The following SFXN5 variants were observed in gnomAD, a reference collection of about 807,000 sequenced individuals.
SFXN5 encodes sideroflexin-5.
In SFXN5, 43 loss-of-function variants were observed where a neutral mutation model predicts 50.2. The observed-to-expected ratio is 0.86, with a 90% CI of 0.67 to 1.11. SFXN5 has a LOEUF of 1.11. Ranked by LOEUF, SFXN5 falls within the 50% of genes least tolerant of loss-of-function variation. The probability of loss-of-function intolerance (pLI) is 0.00; values close to 1 mark genes in which losing one functional copy is unlikely to be tolerated. For missense variants in SFXN5, 463 were observed against 454.1 expected (o/e 1.02, Z -0.18); for synonymous variants, 203 against 185.8 (o/e 1.09, Z -0.75).
chr2:73,007,191 A>T (rs1216374824), intron 6 of SFXN5, among the ~76,000 whole-genome samples: 1 of 152,158 alleles, frequency 6.6e-6, no homozygotes, highest in East Asian at 1.9e-4. Flanking sequence ...GAACTGAGCA[A>T]GCCCCCACCC....
chr2:73,037,431 T>C (rs1679127769), intron 3 of SFXN5, among the ~76,000 whole-genome samples: 1 of 152,184 alleles, frequency 6.6e-6, no homozygotes, highest in South Asian at 2.1e-4. Flanking sequence ...TGTCAGCCTA[T>C]GATGGCTAAT....
At position 72,986,248 on chromosome 2, in the gene SFXN5, G is replaced by T. The variant is rs539483931; in HGVS notation, c.625+2010C>A. Among the ~76,000 whole-genome samples, 14 of 152,298 alleles carry T rather than the reference G, an allele frequency of 9.2e-5. No individual in the cohort carries two copies. The East Asian group carries it at 2.5e-3, about 27-fold the overall frequency. On this transcript the variant is annotated intron_variant, in intron 10 of 13. Coordinates refer to ENST00000272433, the MANE Select transcript of SFXN5 (RefSeq NM_144579.3). ...AGGCTGAGCCAGGTGGCTGGTTCTC[G>T]GAATTCATTAGTCTCTGGGTCATCC...
intron 6 of SFXN5, among the ~76,000 whole-genome samples, chr2:73,012,221 T>G (rs1675592723): frequency 6.6e-6 from 1 of 152,216 alleles, no homozygotes; most frequent in Non-Finnish European, 1.5e-5. Flanking sequence ...GGGGTTACTC[T>G]GGGCAGAGAT....
chr2:72,991,196 C>T (rs1187449527), intron 9 of SFXN5, among the ~76,000 whole-genome samples: 3 of 152,232 alleles, frequency 2.0e-5, no homozygotes, highest in Non-Finnish European at 4.4e-5. Context: ...CCCTGGTCGG[C>T]CATTCTTCCC....
At chr2:73,013,667 T>G (rs1675816091) in intron 6 of SFXN5, among the ~76,000 whole-genome samples, 1 of 150,866 alleles carries the variant, frequency 6.6e-6, no homozygotes, top group Non-Finnish European at 1.5e-5. Flanking sequence ...GAATAATACC[T>G]CTCTCGATAT....
At chr2:72,985,272 G>T (rs1282944150) in intron 10 of SFXN5, among the ~76,000 whole-genome samples, 1 of 152,028 alleles carries the variant, frequency 6.6e-6, no homozygotes, top group Admixed American at 6.6e-5. Flanking sequence ...GCCAGGTCTG[G>T]CCTAGCCTAC....
At chr2:73,016,847 A>T (rs571197254) in intron 6 of SFXN5, among the ~76,000 whole-genome samples, 1 of 152,342 alleles carries the variant, frequency 6.6e-6, no homozygotes, top group Admixed American at 6.5e-5. Flanking sequence ...ACATATCGTA[A>T]GTTGAAAATG....
At chr2:73,029,493 AATGCCTGGGAGGTAGACAG>A (rs1559175330) in intron 3 of SFXN5, among the ~76,000 whole-genome samples, 1 of 152,110 alleles carries the variant, frequency 6.6e-6, no homozygotes, top group Non-Finnish European at 1.5e-5. Context: ...TTATCCCCCA[AATGCCTGGGAGGTAGACAG>A]ATGCTCTTTA....
At chr2:73,061,134 G>A (rs571525148) in intron 1 of SFXN5, among the ~76,000 whole-genome samples, 10 of 152,010 alleles carry the variant, frequency 6.6e-5, no homozygotes, top group African/African-American at 2.4e-4. Context: ...TGGCCAACAT[G>A]GTGAAACCCC....
At chr2:73,005,873 C>G (rs1674564044) in intron 6 of SFXN5, among the ~76,000 whole-genome samples, 1 of 151,040 alleles carries the variant, frequency 6.6e-6, no homozygotes, top group Non-Finnish European at 1.5e-5. Flanking sequence ...CTCTGCTGGA[C>G]TGGGACAATG....
chr2:73,019,139 G>A (rs557376340), intron 6 of SFXN5, among the ~76,000 whole-genome samples: 2 of 152,304 alleles, frequency 1.3e-5, no homozygotes, highest in South Asian at 4.1e-4. Context: ...ATAACAATAT[G>A]AACAAATCTC....
Position 73,022,547 on chromosome 2 carries a change from C to A in SFXN5, c.306G>T (p.Lys102Asn). The change falls in exon 5 of 14, where the codon AAG becomes AAT. Residue 102 changes from lysine to asparagine, a missense_variant. Transcript: ENST00000272433. The stretch of plus-strand genomic sequence containing the variant: ...CTGACATTCTAAATGGCATGAAGAT[C>A]TTCTCATTGGTGTCCGGATGTAGAA... ...QAILHPDTNE[K>N]IFMPFRMSGY... The A allele has an allele frequency of 2.0e-6, 3 of 1,511,836 alleles. No homozygotes were observed. The highest frequency in any genetic ancestry group is 2.7e-6 in the Non-Finnish European group (3 of 1,118,352). 93.7% of individuals were successfully genotyped at this position (1,511,836 alleles called of 1,614,324 possible). A position where few individuals can be genotyped will look rare whatever the true frequency, so the allele number is the denominator to read the frequency against.
intron 2 of SFXN5, among the ~76,000 whole-genome samples, chr2:73,047,317 ATGTATATATATG>A (rs1316004041): frequency 5.0e-5 from 4 of 80,036 alleles, no homozygotes; most frequent in Non-Finnish European, 9.2e-5. Context: ...ATGTGTGTGT[ATGTATATATATG>A]TGTATATATA....
At chr2:73,021,329 C>T (rs1279529987) in intron 5 of SFXN5, among the ~76,000 whole-genome samples, 2 of 152,048 alleles carry the variant, frequency 1.3e-5, no homozygotes, top group Non-Finnish European at 1.5e-5. Flanking sequence ...CTAAAAAATA[C>T]AAAAATTAGC....
chr2:72,976,439 AT>A (rs367963789), intron 10 of SFXN5, among the ~76,000 whole-genome samples: 4 of 152,102 alleles, frequency 2.6e-5, no homozygotes, highest in African/African-American at 7.2e-5. Flanking sequence ...TTTCAGGAAT[AT>A]TTTTTTTCTT....
chr2:73,024,646 C>G (rs566147414), intron 3 of SFXN5, among the ~76,000 whole-genome samples: 1 of 152,004 alleles, frequency 6.6e-6, no homozygotes, highest in Non-Finnish European at 1.5e-5. Context: ...AGCGTGAGAA[C>G]CTGTCTCCAA....
chr2:72,997,278 G>C (rs1430246114), intron 9 of SFXN5: 2 of 152,212 alleles, frequency 1.3e-5, no homozygotes, highest in Non-Finnish European at 2.9e-5. Flanking sequence ...TAGAAGAATG[G>C]TGAATTAAAT....
At chr2:73,019,177 C>T (rs1038825514) in intron 6 of SFXN5, among the ~76,000 whole-genome samples, 4 of 152,208 alleles carry the variant, frequency 2.6e-5, no homozygotes, top group African/African-American at 9.6e-5. Flanking sequence ...AAGCCAGACA[C>T]AAAAGAGCAC....
intron 10 of SFXN5, 80 bp downstream of exon 10, chr2:72,988,178 A>G (rs1369978887): frequency 4.6e-6 from 6 of 1,316,484 alleles, no homozygotes; most frequent in Non-Finnish European, 6.4e-6. Context: ...GAGGTGTGGA[A>G]GGGTCATCTG....
Sources: gnomAD v4.1 joint callset for allele counts (sites outside exome capture counted in the v4.1 genomes callset) on GRCh38, gnomAD v4.1.1 for gene constraint, MANE v1.5 for transcripts, NCBI Gene and HGNC (gene_info 2026-07-23, HGNC 2026-07-21) for gene names.